ADGRB3: variants seen among roughly 807,000 people sequenced by gnomAD.
ADGRB3 encodes adhesion G protein-coupled receptor B3, also known as brain-specific angiogenesis inhibitor 3.
In ADGRB3, 37 loss-of-function variants were observed where a neutral mutation model predicts 193.4. That is an observed-to-expected ratio of 0.19 (90% CI 0.15 to 0.25). ADGRB3 has a LOEUF of 0.25. Among genes scored for constraint, ADGRB3 ranks in the 10% least tolerant of loss-of-function variants. The pLI is 1.00. For synonymous variants in ADGRB3, 690 were observed against 644.2 expected (o/e 1.07, Z -1.08); for missense variants, 1,637 against 1,852.9 (o/e 0.88, Z 2.14).
At chr6:69,194,822 G>A (rs2150355980) in intron 17 of ADGRB3, among the ~76,000 whole-genome samples, 1 of 152,230 alleles carries the variant, frequency 6.6e-6, no homozygotes, top group South Asian at 2.1e-4. Context: ...TAGGTACTTA[G>A]CATCTCTTGC....
At chr6:69,284,778 T>C (rs1450084961) in intron 20 of ADGRB3, among the ~76,000 whole-genome samples, 1 of 152,162 alleles carries the variant, frequency 6.6e-6, no homozygotes, top group Non-Finnish European at 1.5e-5. Context: ...ATTTGTTTTG[T>C]TCTCCAGTTT....
intron 20 of ADGRB3, among the ~76,000 whole-genome samples, chr6:69,278,412 TA>T (rs1349899512): frequency 2.0e-5 from 3 of 152,214 alleles, no homozygotes; most frequent in Non-Finnish European, 4.4e-5. Context: ...AGCAGTATAT[TA>T]GGGGTGAATT....
intron 3 of ADGRB3, among the ~76,000 whole-genome samples, chr6:68,791,073 T>A (rs1767098371): frequency 6.6e-6 from 1 of 151,378 alleles, no homozygotes; most frequent in Non-Finnish European, 1.5e-5. Flanking sequence ...AAAAGTCTTG[T>A]ATCTTTAAGT....
intron 3 of ADGRB3, among the ~76,000 whole-genome samples, chr6:68,791,336 G>A (rs947638115): frequency 5.3e-5 from 8 of 152,160 alleles, no homozygotes. Flanking sequence ...TTTAAAACAA[G>A]TATAAAAGTG....
chr6:69,311,137 ACCAGTGGACT>A (rs1768182138), intron 20 of ADGRB3, among the ~76,000 whole-genome samples: 3 of 151,756 alleles, frequency 2.0e-5, no homozygotes, highest in Admixed American at 1.3e-4. Context: ...GTATTTCTTA[ACCAGTGGACT>A]GAAATTTTTA....
At chr6:69,274,364 AG>A (rs1396471301) in intron 20 of ADGRB3, among the ~76,000 whole-genome samples, 4 of 152,160 alleles carry the variant, frequency 2.6e-5, no homozygotes, top group African/African-American at 7.2e-5. Flanking sequence ...AGAATGTTAG[AG>A]TTCATTACCG....
At chr6:68,938,236 GA>G in intron 5 of ADGRB3, among the ~76,000 whole-genome samples, 1 of 151,842 alleles carries the variant, frequency 6.6e-6, no homozygotes, top group Middle Eastern at 3.4e-3. Flanking sequence ...AGATTCACAA[GA>G]AAAAATGTTT....
intron 3 of ADGRB3, among the ~76,000 whole-genome samples, chr6:68,728,589 C>T (rs190564342): frequency 7.9e-5 from 12 of 151,484 alleles, no homozygotes; most frequent in Admixed American, 4.6e-4. Context: ...AACACACACA[C>T]GTAATATGTA....
intron 3 of ADGRB3, among the ~76,000 whole-genome samples, chr6:68,718,710 C>T (rs573157188): frequency 6.6e-6 from 1 of 151,894 alleles, no homozygotes; most frequent in East Asian, 1.9e-4. Context: ...GCACGTACAG[C>T]ATTTATCACA....
intron 3 of ADGRB3, among the ~76,000 whole-genome samples, chr6:68,813,265 G>T (rs768529551): frequency 6.6e-6 from 1 of 152,128 alleles, no homozygotes. Flanking sequence ...GGCCTCCCCA[G>T]CCATTTGGAA....
chr6:68,670,050 T>C (rs1467526292), intron 3 of ADGRB3, among the ~76,000 whole-genome samples: 1 of 152,060 alleles, frequency 6.6e-6, no homozygotes, highest in Admixed American at 6.6e-5. Flanking sequence ...TATGTCTGTT[T>C]GCCATTTGTG....
intron 17 of ADGRB3, among the ~76,000 whole-genome samples, chr6:69,206,764 A>G (rs1212726181): frequency 3.9e-5 from 6 of 152,238 alleles, no homozygotes; most frequent in Non-Finnish European, 8.8e-5. Flanking sequence ...GCAGCTGGTC[A>G]TGTGGTCATA....
Position 68,943,941 on chromosome 6 carries a change from C to T in ADGRB3, c.1142C>T (p.Pro381Leu), listed in dbSNP as rs148926519. The T allele has an allele frequency of 4.0e-5, 65 of 1,613,714 alleles. No homozygotes were observed. Among genetic ancestry groups the T allele is most frequent in the Non-Finnish European group, 5.1e-5 (60 of 1,179,734 alleles). ...ACACCTCCTCAGTATGGAGGAAGGC[C>T]GTGTGAAGGACCTGAAACACATCAT... The part of the protein sequence containing the change: ...SCTPPQYGGR[P>L]CEGPETHHKP... Residue 381 changes from proline (P) to leucine (L), a missense_variant, in exon 6 of 32, where the codon CCG becomes CTG. Pro to Leu is a moderately conservative substitution (Grantham distance 98). Coordinates refer to ENST00000370598, the MANE Select transcript of ADGRB3 (RefSeq NM_001704.3).
chr6:69,184,435 A>G (rs550412680), intron 17 of ADGRB3, among the ~76,000 whole-genome samples: 2 of 152,250 alleles, frequency 1.3e-5, no homozygotes, highest in African/African-American at 4.8e-5. Context: ...GAAACAAAAA[A>G]TAACTTAAAA....
At chr6:68,738,927 A>C (rs1183135968) in intron 3 of ADGRB3, among the ~76,000 whole-genome samples, 1 of 152,138 alleles carries the variant, frequency 6.6e-6, no homozygotes, top group Non-Finnish European at 1.5e-5. Flanking sequence ...GATCTGGGTC[A>C]CTCCAACAGA....
chr6:69,218,165 A>G (rs1765812555), intron 17 of ADGRB3, among the ~76,000 whole-genome samples: 1 of 152,026 alleles, frequency 6.6e-6, no homozygotes, highest in Non-Finnish European at 1.5e-5. Flanking sequence ...TTAATATGAG[A>G]CCTTTCCTCC....
intron 3 of ADGRB3, among the ~76,000 whole-genome samples, chr6:68,849,710 C>T (rs1768358163): frequency 6.6e-6 from 1 of 151,846 alleles, no homozygotes; most frequent in Admixed American, 6.6e-5. Flanking sequence ...CCTCTCTATG[C>T]AAATATACAG....
At chr6:68,667,829 T>C (rs1026718334) in intron 3 of ADGRB3, among the ~76,000 whole-genome samples, 1 of 151,800 alleles carries the variant, frequency 6.6e-6, no homozygotes, top group African/African-American at 2.4e-5. Context: ...CACTGAAAAA[T>C]GTCTGCGACT....
chr6:68,814,212 G>A (rs1767578498), intron 3 of ADGRB3, among the ~76,000 whole-genome samples: 1 of 152,074 alleles, frequency 6.6e-6, no homozygotes. Flanking sequence ...ATCCTCTCCG[G>A]CACCTGTTGT....
Sources: gnomAD v4.1 joint callset for allele counts (sites outside exome capture counted in the v4.1 genomes callset) on GRCh38, gnomAD v4.1.1 for gene constraint, MANE v1.5 for transcripts, NCBI Gene and HGNC (gene_info 2026-07-23, HGNC 2026-07-21) for gene names.